Variants in SLC12A5 observed in about 807,000 individuals in gnomAD.
SLC12A5 encodes the protein solute carrier family 12 member 5, also known as K-Cl cotransporter 2.
Under a neutral mutation model 124.0 loss-of-function variants are expected in SLC12A5, and 18 were observed. The ratio of observed to expected loss-of-function variants is 0.15; its 90% CI spans 0.10 to 0.22. The LOEUF (loss-of-function observed/expected upper bound fraction) is 0.22, where lower values mean the gene tolerates loss of function less well. Among genes scored for constraint, SLC12A5 ranks in the 10% least tolerant of loss-of-function variants. SLC12A5 has a pLI of 1.00. For missense variants in SLC12A5, 867 were observed against 1,478.7 expected (o/e 0.59, Z 6.78); for synonymous variants, 589 against 568.0 (o/e 1.04, Z -0.53).
intron 18 of SLC12A5, among the ~76,000 whole-genome samples, chr20:46,052,076 C>T (rs529298858): frequency 1.3e-5 from 2 of 152,324 alleles, no homozygotes; most frequent in East Asian, 3.9e-4. Context: ...GTGAACGAGA[C>T]AGTCTTGGCT....
chr20:46,052,044 G>C (rs1449709506), intron 18 of SLC12A5, among the ~76,000 whole-genome samples, 174 bp downstream of exon 18: 4 of 152,196 alleles, frequency 2.6e-5, no homozygotes, highest in Admixed American at 6.5e-5. Flanking sequence ...CAGCCACTGT[G>C]CTGGGCGCTG....
At chr20:46,046,813 G>T (rs1408042909) in intron 14 of SLC12A5, among the ~76,000 whole-genome samples, 1 of 152,216 alleles carries the variant, frequency 6.6e-6, no homozygotes, top group Admixed American at 6.5e-5. Context: ...TTCCTCAGCT[G>T]TGAAATGGGC....
upstream of SLC12A5, chr20:46,027,918 A>G (rs2084413474): frequency 6.6e-6 from 1 of 152,172 alleles, no homozygotes; most frequent in Admixed American, 6.5e-5. Context: ...TCTTTTCCCA[A>G]CCGAAGAACT....
At chr20:46,052,114 A>G (rs547753121) in intron 18 of SLC12A5, among the ~76,000 whole-genome samples, 1 of 152,292 alleles carries the variant, frequency 6.6e-6, no homozygotes, top group East Asian at 1.9e-4. Flanking sequence ...CCCTGGGAGG[A>G]ACACAGTGCA....
chr20:46,055,108 T>C, intron 21 of SLC12A5, 85 bp downstream of exon 21: 1 of 910,646 alleles, frequency 1.1e-6, no homozygotes, highest in Admixed American at 1.9e-5. Flanking sequence ...GGGCTGACAC[T>C]CCTGGCATTT....
At position 46,058,840 on chromosome 20, in the gene SLC12A5, C is replaced by T. The variant is rs947362858; in HGVS notation, c.*1235C>T. On this transcript the variant is annotated 3_prime_UTR_variant, in exon 26 of 26. Transcript: ENST00000243964. This position sits in a 1 kb window ranked among gnomAD's most constrained non-coding sequence, Gnocchi z 5.8. Reference sequence around the variant, plus strand: ...CGTCCCCATCTGGCAGCTCCTGTCTCGCCTGAGGGACCCAGCCGCCTTCTC... The same window carrying T: ...CGTCCCCATCTGGCAGCTCCTGTCTTGCCTGAGGGACCCAGCCGCCTTCTC... 3.8e-5 allele frequency: 15 copies of T among 397,702 alleles called. No individual in the cohort carries two copies. Among genetic ancestry groups the T allele is most frequent in the Non-Finnish European group, 5.3e-5 (12 of 226,126 alleles). 24.6% of individuals were successfully genotyped at this position (397,702 alleles called of 1,614,324 possible).
chr20:46,034,282 A>G (rs1331409580), intron 1 of SLC12A5, among the ~76,000 whole-genome samples: 4 of 152,140 alleles, frequency 2.6e-5, no homozygotes, highest in Non-Finnish European at 5.9e-5. Flanking sequence ...GAAGACTCCC[A>G]TGACCTCCCA....
intron 1 of SLC12A5, among the ~76,000 whole-genome samples, chr20:46,031,827 T>TCG (rs1405656568): frequency 6.6e-6 from 1 of 152,196 alleles, no homozygotes; most frequent in Non-Finnish European, 1.5e-5. Context: ...GCCCTGCCTC[T>TCG]CGCGCGCGCG....
intron 7 of SLC12A5, 88 bp downstream of exon 7, chr20:46,040,702 C>G: frequency 1.3e-6 from 2 of 1,556,172 alleles, no homozygotes; most frequent in South Asian, 2.4e-5. Flanking sequence ...CCCTCCCTGC[C>G]CCTCAGAATC....
chr20:46,023,128 G>A (rs1257604574), intron 2 of SLC12A5: 1 of 398,326 alleles, frequency 2.5e-6, no homozygotes, highest in Non-Finnish European at 4.4e-6. Flanking sequence ...ACCCTTAGGG[G>A]GTTATCTGGC....
intron 21 of SLC12A5, among the ~76,000 whole-genome samples, chr20:46,055,566 C>A (rs893225556): frequency 6.6e-6 from 1 of 151,872 alleles, no homozygotes. Flanking sequence ...AAAGACCCAC[C>A]CAAGGGAGTG....
Position 46,029,921 on chromosome 20 carries a change from T to C in SLC12A5, c.52+525T>C, listed in dbSNP as rs868764219. ...GCGTGCGTATGTGTGTGTGTGCGTG[T>C]GTGTGTGTGTGTGTGTGTGTAGGGG... On this transcript the variant is annotated intron_variant, in intron 1 of 25. Transcript: ENST00000243964. 8.5e-3 allele frequency among the ~76,000 whole-genome samples: 1,028 copies of C among 120,854 alleles called. 15 individuals are homozygous for C. The highest frequency in any genetic ancestry group is 0.043 in the African/African-American group (977 of 22,694). 79.3% of individuals were successfully genotyped at this position (120,854 alleles called of 152,430 possible).
chr20:46,047,491 C>T lies in SLC12A5; in HGVS notation c.1825C>T (p.Leu609Phe). 1 of 1,614,098 alleles carries T rather than the reference C, an allele frequency of 6.2e-7. No individual in the cohort carries two copies. The highest frequency in any genetic ancestry group is 8.5e-7 in the Non-Finnish European group (1 of 1,179,966). The stretch of plus-strand genomic sequence containing the variant: ...CCTGGGCATGAGCCTCTGCCTGGCC[C>T]TCATGTTCATCTGCTCCTGGTATTA... ...SFLGMSLCLA[L>F]MFICSWYYAL... The change falls in exon 15 of 26, where the codon CTC becomes TTC. Residue 609 changes from leucine to phenylalanine, a missense_variant. By Grantham distance (22) the Leu-to-Phe change is conservative (BLOSUM62 0). Coordinates refer to ENST00000243964, the MANE Select transcript of SLC12A5 (RefSeq NM_020708.5).
chr20:46,024,954 C>T (rs1221077267), upstream of SLC12A5, among the ~76,000 whole-genome samples: 2 of 152,214 alleles, frequency 1.3e-5, no homozygotes, highest in Admixed American at 6.5e-5. Context: ...GTAGGACTAA[C>T]AGGAGTTGGG....
Position 46,034,957 on chromosome 20 carries a change from A to G in SLC12A5, c.62A>G (p.Asn21Ser), listed in dbSNP as rs2084483843. The part of the protein sequence containing the change: ...GDGGANPGDG[N>S]PKESSPFINS... Reference sequence around the variant, plus strand: ...CCCTCTCCCTTCTCAGGTGATGGCAACCCCAAGGAAAGCAGTCCCTTCATC... The same window carrying G: ...CCCTCTCCCTTCTCAGGTGATGGCAGCCCCAAGGAAAGCAGTCCCTTCATC... Residue 21 changes from asparagine (N) to serine (S), a missense_variant, in exon 2 of 26, where the codon AAC becomes AGC. Transcript: ENST00000243964. 6.2e-7 allele frequency: 1 copy of G among 1,613,860 alleles called. No individual in the cohort carries two copies. Among genetic ancestry groups the G allele is most frequent in the Admixed American group, 1.7e-5 (1 of 59,984 alleles).
rs1451172243 is a variant in SLC12A5, at chr20:46,035,229, T to A, written c.148-175T>A. On this transcript the variant is annotated intron_variant, in intron 2 of 25. Coordinates refer to ENST00000243964, the MANE Select transcript of SLC12A5 (RefSeq NM_020708.5). ...TTTACTCCCTCTGCTCCCTGCCCTC[T>A]CCTCATCCTACCATTCTTACCCCTG... The A allele has an allele frequency of 3.0e-6, 3 of 994,606 alleles. No individual in the cohort carries two copies. In the African/African-American group the frequency reaches 4.8e-5, roughly 16 times the overall value. The allele number at this position is 994,606 out of a possible 1,614,324, so 61.6% of individuals were successfully genotyped here. A position where few individuals can be genotyped will look rare whatever the true frequency, so the allele number is the denominator to read the frequency against.
intron 9 of SLC12A5, 138 bp from the exon 10 acceptor site, chr20:46,043,494 CA>C (rs1412370281): frequency 4.2e-5 from 49 of 1,168,744 alleles, no homozygotes; most frequent in Non-Finnish European, 5.9e-5. Context: ...AGCTAAGTAA[CA>C]TGTCCAAGGT....
upstream of SLC12A5, chr20:46,029,083 C>G (rs1269534242): frequency 1.5e-6 from 2 of 1,295,972 alleles, no homozygotes; most frequent in South Asian, 2.1e-5. Context: ...TCCCGCTCTC[C>G]CCCCAAAACC....
At chr20:46,022,559 A>C in intron 1 of SLC12A5, 10 of 310,220 alleles carry the variant, frequency 3.2e-5, no homozygotes, top group Non-Finnish European at 4.1e-5. Flanking sequence ...GATCCCGGGA[A>C]GGAGACGGGA....
Sources: allele counts gnomAD v4.1 joint callset (sites outside exome capture counted in the v4.1 genomes callset), GRCh38; gene constraint gnomAD v4.1.1; non-coding constraint Gnocchi (gnomAD v3.1); transcripts MANE v1.5; gene names NCBI Gene and HGNC (gene_info 2026-07-23, HGNC 2026-07-21).